Variants in TJP1 observed in about 807,000 individuals in gnomAD.
TJP1 encodes tight junction protein 1.
Under a neutral mutation model 194.2 loss-of-function variants are expected in TJP1, and 43 were observed. That is an observed-to-expected ratio of 0.22 (90% CI 0.17 to 0.29). The LOEUF (loss-of-function observed/expected upper bound fraction) is 0.29. Ranked by LOEUF, TJP1 falls within the 10% of genes least tolerant of loss-of-function variation. TJP1 has a pLI of 1.00. For synonymous variants in TJP1, 801 were observed against 779.0 expected (o/e 1.03, Z -0.47); for missense variants, 1,971 against 2,185.7 (o/e 0.90, Z 1.96).
intron 2 of TJP1, among the ~76,000 whole-genome samples, chr15:29,797,459 T>C (rs1384343000): frequency 6.6e-6 from 1 of 151,590 alleles, no homozygotes; most frequent in East Asian, 1.9e-4. Flanking sequence ...CAGAGCTTTA[T>C]CAAAACTTAA....
At chr15:29,700,043 G>C (rs960285649), downstream of TJP1, 1 of 366,514 alleles carries the variant, frequency 2.7e-6, no homozygotes, top group Non-Finnish European at 4.8e-6. Context: ...ACCAGACGAC[G>C]AGGTGGTAGG....
At chr15:29,833,881 A>ATATATATATT (rs1555434000) in intron 2 of TJP1, among the ~76,000 whole-genome samples, 1 of 12,616 alleles carries the variant, frequency 7.9e-5, no homozygotes, top group Non-Finnish European at 1.4e-4. Flanking sequence ...ATATATATAT[A>ATATATATATT]TTTTTTTTTT....
intron 2 of TJP1, among the ~76,000 whole-genome samples, chr15:29,876,253 C>T (rs922441647): frequency 2.8e-4 from 42 of 152,286 alleles, no homozygotes; most frequent in Admixed American, 1.3e-3. Context: ...GGTGTGGTGG[C>T]TCATGCCTGT....
intron 2 of TJP1, among the ~76,000 whole-genome samples, chr15:29,797,764 T>C (rs1202360986): frequency 1.3e-5 from 2 of 152,056 alleles, no homozygotes; most frequent in Non-Finnish European, 2.9e-5. Flanking sequence ...ACAAGCAACA[T>C]AGAGCTTAAA....
At chr15:29,957,550 A>G (rs746369392) in intron 1 of TJP1, among the ~76,000 whole-genome samples, 1 of 152,148 alleles carries the variant, frequency 6.6e-6, no homozygotes, top group Non-Finnish European at 1.5e-5. Flanking sequence ...TTCACTTAAT[A>G]TATCTTAACG....
chr15:29,742,918 A>G, intron 8 of TJP1, 137 bp from the exon 9 acceptor site: 1 of 668,424 alleles, frequency 1.5e-6, no homozygotes, highest in Non-Finnish European at 2.2e-6. Flanking sequence ...AATATTGTAA[A>G]AACCTAGTAA....
At chr15:29,847,114 T>A (rs2051442402) in intron 2 of TJP1, among the ~76,000 whole-genome samples, 1 of 152,202 alleles carries the variant, frequency 6.6e-6, no homozygotes, top group South Asian at 2.1e-4. Context: ...GTTTATTTAA[T>A]TTTTTTGAGA....
chr15:29,704,222 A>G lies in TJP1; in HGVS notation c.5152T>C (p.Cys1718Arg). The G allele has an allele frequency of 6.3e-7, 1 of 1,592,410 alleles. No homozygotes were observed. The change falls in exon 27 of 28, where the codon TGT becomes CGT. Residue 1718 changes from cysteine (C) to arginine (R), a missense_variant. Coordinates refer to ENST00000614355, the MANE Select transcript of TJP1 (RefSeq NM_001330239.4). ...LKPVELRLPH[C>R]ASMTPDGWSF... is the part of the protein sequence containing the mutation. Reference sequence around the variant, plus strand: ...CAACCGTCAGGAGTCATGGACGCACAGTGTGGTAAGCGCAGCTCCACAGGC... The same window carrying G: ...CAACCGTCAGGAGTCATGGACGCACGGTGTGGTAAGCGCAGCTCCACAGGC...
chr15:29,729,697 G>A (rs2151221520), intron 15 of TJP1, among the ~76,000 whole-genome samples: 1 of 152,034 alleles, frequency 6.6e-6, no homozygotes, highest in East Asian at 2.0e-4. Flanking sequence ...GCGGGTGCCT[G>A]TAGTCCCAGC....
chr15:29,742,027 A>G (rs2044454347), intron 9 of TJP1, among the ~76,000 whole-genome samples: 1 of 152,118 alleles, frequency 6.6e-6, no homozygotes, highest in African/African-American at 2.4e-5. Context: ...GTTGGAGACC[A>G]ACCTGGACAA....
intron 2 of TJP1, among the ~76,000 whole-genome samples, chr15:29,845,601 C>T (rs1182085923): frequency 6.6e-6 from 1 of 152,032 alleles, no homozygotes; most frequent in Non-Finnish European, 1.5e-5. Flanking sequence ...GGCAAGAGAT[C>T]GAGACCATCT....
rs182285338 is a variant in TJP1 at position 29,754,640 on chromosome 15, C to A, written c.1010+6499G>T. Among the ~76,000 whole-genome samples the A allele has an allele frequency of 2.5e-3, 379 of 152,308 alleles. 1 individual carries two copies. The highest frequency in any genetic ancestry group is 0.017 in the Middle Eastern group (5 of 294). ...AATTTTTAGCCTATTGGCAAAGTTG[C>A]ACAGGTTAAGCATCCCTTGCCTAAA... On this transcript the variant is annotated intron_variant, in intron 8 of 27. Transcript: ENST00000614355.
intron 2 of TJP1, among the ~76,000 whole-genome samples, chr15:29,781,799 TTGAAA>T (rs2047383447): frequency 6.6e-6 from 1 of 152,176 alleles, no homozygotes; most frequent in South Asian, 2.1e-4. Context: ...AAACTAGGCA[TTGAAA>T]TTGAAGGAAC....
intron 2 of TJP1, among the ~76,000 whole-genome samples, chr15:29,903,813 C>T (rs1432905890): frequency 1.3e-5 from 2 of 152,034 alleles, no homozygotes; most frequent in Admixed American, 6.6e-5. Flanking sequence ...AGGGGAACTT[C>T]GGGGAAAAAG....
chr15:29,826,946 G>A (rs561990821), upstream of TJP1, among the ~76,000 whole-genome samples: 10 of 152,186 alleles, frequency 6.6e-5, no homozygotes, highest in South Asian at 2.1e-4. Context: ...GGGTCCTGTC[G>A]CCTCCTAGGA....
chr15:29,816,722 G>A (rs2151977840), intron 1 of TJP1, among the ~76,000 whole-genome samples: 1 of 152,216 alleles, frequency 6.6e-6, no homozygotes, highest in South Asian at 2.1e-4. Context: ...ATTAATTTTT[G>A]TTCATTAGCT....
intron 2 of TJP1, among the ~76,000 whole-genome samples, chr15:29,916,267 G>A (rs8027720): frequency 0.066 from 9,914 of 149,414 alleles, 630 homozygotes; most frequent in African/African-American, 0.17. Flanking sequence ...AAAGATCATA[G>A]CTCTTTCTTC....
intron 8 of TJP1, among the ~76,000 whole-genome samples, chr15:29,751,488 G>A (rs544077017): frequency 2.9e-3 from 438 of 152,272 alleles, no homozygotes; most frequent in Non-Finnish European, 4.6e-3. Context: ...TAGTCCATCC[G>A]CATTAGAAGA....
chr15:29,758,602 G>A (rs960726177), intron 8 of TJP1, among the ~76,000 whole-genome samples: 2 of 152,036 alleles, frequency 1.3e-5, no homozygotes, highest in African/African-American at 4.8e-5. Flanking sequence ...ATTTAAAAGG[G>A]GAAATCATGT....
Sources: allele counts gnomAD v4.1 joint callset (sites outside exome capture counted in the v4.1 genomes callset), GRCh38; gene constraint gnomAD v4.1.1; transcripts MANE v1.5; gene names NCBI Gene and HGNC (gene_info 2026-07-23, HGNC 2026-07-21).